AGBL4: variants seen among roughly 807,000 people sequenced by gnomAD.
AGBL4 encodes cytosolic carboxypeptidase 6.
AGBL4 carries 58 observed loss-of-function variants against 66.4 expected under a neutral mutation model. The ratio of observed to expected loss-of-function variants is 0.87; its 90% CI spans 0.71 to 1.09. AGBL4 has a LOEUF of 1.09. Ranked by LOEUF, AGBL4 falls within the 50% of genes least tolerant of loss-of-function variation. The pLI, the probability that AGBL4 is intolerant of heterozygous loss-of-function variation, is 0.00. For missense variants in AGBL4, 579 were observed against 631.0 expected (o/e 0.92, Z 0.88); for synonymous variants, 234 against 222.9 (o/e 1.05, Z -0.44).
At chr1:48,638,121 C>A (rs1645697465) in intron 8 of AGBL4, among the ~76,000 whole-genome samples, 1 of 152,204 alleles carries the variant, frequency 6.6e-6, no homozygotes, top group Non-Finnish European at 1.5e-5. Flanking sequence ...CCTCTATGAC[C>A]TAAAACTCAC....
chr1:49,672,235 C>T (rs1233480357), intron 3 of AGBL4, among the ~76,000 whole-genome samples: 1 of 151,436 alleles, frequency 6.6e-6, no homozygotes, highest in African/African-American at 2.4e-5. Context: ...AACACAAGAA[C>T]AGAAAACCAA....
chr1:49,393,353 C>A (rs1165166930), intron 3 of AGBL4, among the ~76,000 whole-genome samples: 1 of 152,176 alleles, frequency 6.6e-6, no homozygotes, highest in Non-Finnish European at 1.5e-5. Flanking sequence ...AAATCAAGGT[C>A]TGGAGAGGCT....
chr1:49,116,780 C>G (rs536251628), intron 4 of AGBL4, among the ~76,000 whole-genome samples: 1 of 152,288 alleles, frequency 6.6e-6, no homozygotes, highest in African/African-American at 2.4e-5. Context: ...ATTCCAGATA[C>G]TTGAGGGATC....
At chr1:48,805,618 T>C (rs74507850) in intron 6 of AGBL4, among the ~76,000 whole-genome samples, 3,912 of 152,230 alleles carry the variant, frequency 0.026, 144 homozygotes, top group African/African-American at 0.088. Flanking sequence ...AAAAGAATAA[T>C]GGCCCAGGAT....
intron 5 of AGBL4, among the ~76,000 whole-genome samples, chr1:48,907,177 G>A (rs1293292787): frequency 2.0e-5 from 3 of 152,156 alleles, no homozygotes; most frequent in African/African-American, 4.8e-5. Flanking sequence ...GCACCCACAC[G>A]CAACTTTGCC....
chr1:49,712,636 G>A (rs1448300482), intron 2 of AGBL4, among the ~76,000 whole-genome samples: 3 of 151,762 alleles, frequency 2.0e-5, no homozygotes. Flanking sequence ...TGAGATAACA[G>A]ATATGACAAT....
At chr1:49,168,505 T>C (rs970989005) in intron 4 of AGBL4, among the ~76,000 whole-genome samples, 7 of 152,208 alleles carry the variant, frequency 4.6e-5, no homozygotes. Context: ...AGGGTTTATC[T>C]TAGTTAGAGT....
At chr1:49,922,124 T>A (rs1310382896) in intron 1 of AGBL4, among the ~76,000 whole-genome samples, 1 of 152,226 alleles carries the variant, frequency 6.6e-6, no homozygotes, top group African/African-American at 2.4e-5. Context: ...TTTTGTGGTT[T>A]TGTTTTTGTT....
At chr1:49,385,941 A>G (rs1250416083) in intron 3 of AGBL4, among the ~76,000 whole-genome samples, 1 of 152,066 alleles carries the variant, frequency 6.6e-6, no homozygotes, top group African/African-American at 2.4e-5. Context: ...AAGTATCTAA[A>G]GCATCTAGTC....
At chr1:49,357,805 TC>T (rs1247517078) in intron 3 of AGBL4, among the ~76,000 whole-genome samples, 2 of 152,190 alleles carry the variant, frequency 1.3e-5, no homozygotes, top group East Asian at 3.9e-4. Flanking sequence ...TCAGTAGAAG[TC>T]CTGCTTACCT....
At chr1:49,494,674 C>A (rs911382879) in intron 3 of AGBL4, among the ~76,000 whole-genome samples, 7 of 152,034 alleles carry the variant, frequency 4.6e-5, no homozygotes, top group Non-Finnish European at 8.8e-5. Context: ...CAGTCTAATA[C>A]TGTTAGACAT....
chr1:48,750,246 C>T (rs1651474917), intron 6 of AGBL4, among the ~76,000 whole-genome samples: 1 of 152,158 alleles, frequency 6.6e-6, no homozygotes, highest in South Asian at 2.1e-4. Flanking sequence ...GGGAAGTGCC[C>T]CCATGAACCA....
chr1:48,850,255 C>G (rs889192155), intron 6 of AGBL4, among the ~76,000 whole-genome samples: 2 of 152,196 alleles, frequency 1.3e-5, no homozygotes, highest in Non-Finnish European at 2.9e-5. Context: ...GGCACTATAG[C>G]AACCCATCCC....
chr1:49,766,709 C>T (rs1217292395), intron 2 of AGBL4, among the ~76,000 whole-genome samples: 1 of 151,280 alleles, frequency 6.6e-6, no homozygotes, highest in Non-Finnish European at 1.5e-5. Context: ...TAACAACACA[C>T]ATAGGCTCTA....
intron 5 of AGBL4, among the ~76,000 whole-genome samples, chr1:48,999,578 A>C (rs183100873): frequency 1.3e-5 from 2 of 152,248 alleles, no homozygotes; most frequent in East Asian, 3.9e-4. Flanking sequence ...AGCACATTAG[A>C]AAAAGGCTGT....
chr1:48,552,159 G>A (rs1395929446), intron 11 of AGBL4, among the ~76,000 whole-genome samples: 1 of 152,122 alleles, frequency 6.6e-6, no homozygotes, highest in African/African-American at 2.4e-5. Flanking sequence ...CGCCTCCTGG[G>A]TTCAAGTGAT....
At chr1:49,163,408 C>A (rs981687844) in intron 4 of AGBL4, among the ~76,000 whole-genome samples, 1 of 152,046 alleles carries the variant, frequency 6.6e-6, no homozygotes, top group African/African-American at 2.4e-5. Flanking sequence ...TTGGTAGATT[C>A]TCTGATATTC....
intron 3 of AGBL4, among the ~76,000 whole-genome samples, chr1:49,296,901 T>C (rs897663967): frequency 2.0e-5 from 3 of 152,184 alleles, no homozygotes; most frequent in Admixed American, 6.5e-5. Flanking sequence ...CAGAAGATAA[T>C]AGGACCTTTT....
chr1:49,432,791 G>C (rs1169958864), intron 3 of AGBL4, among the ~76,000 whole-genome samples: 6 of 152,146 alleles, frequency 3.9e-5, no homozygotes, highest in African/African-American at 1.4e-4. Flanking sequence ...CTCAAAAGTT[G>C]TAAGTGTCTT....
Sources: allele counts gnomAD v4.1 joint callset (sites outside exome capture counted in the v4.1 genomes callset), GRCh38; gene constraint gnomAD v4.1.1; transcripts MANE v1.5; gene names NCBI Gene and HGNC (gene_info 2026-07-23, HGNC 2026-07-21).